Variants in MRPL45 observed in about 807,000 individuals in gnomAD.
MRPL45 encodes large ribosomal subunit protein mL45.
In MRPL45, 20 loss-of-function variants were observed where a neutral mutation model predicts 38.1. That is an observed-to-expected ratio of 0.53 (90% confidence interval 0.37 to 0.76). MRPL45 has a LOEUF of 0.76. Ranked by LOEUF, MRPL45 falls within the 30% of genes least tolerant of loss-of-function variation. The pLI is 0.00. For missense variants in MRPL45, 337 were observed against 395.6 expected (o/e 0.85, Z 1.26); for synonymous variants, 105 against 128.8 (o/e 0.82, Z 1.25).
chr17:38,307,851 A>C (rs2144215514), intron 4 of MRPL45, among the ~76,000 whole-genome samples: 1 of 152,300 alleles, frequency 6.6e-6, no homozygotes, highest in Non-Finnish European at 1.5e-5. Context: ...TTCTTTAAAA[A>C]AAATTTATTT....
chr17:38,302,504 AAG>A lies in MRPL45; in HGVS notation c.362+3037_362+3038del, dbSNP rs1158200928. Among the ~76,000 whole-genome samples, 27 of 92,416 alleles carry A rather than the reference AAG, an allele frequency of 2.9e-4. 2 individuals are homozygous for A. Among genetic ancestry groups the A allele is most frequent in the Middle Eastern group, 4.8e-3 (1 of 208 alleles). 60.6% of individuals were successfully genotyped at this position (92,416 alleles called of 152,430 possible). On this transcript the variant is annotated intron_variant, in intron 3 of 7. Transcript: ENST00000613675. The stretch of plus-strand genomic sequence containing the variant: ...TCCATCTCAAAAAAAAAAAAAAAAA[AAG>A]TTTGTTTTTTTTTTTTTTTTTTAGA...
intron 4 of MRPL45, among the ~76,000 whole-genome samples, chr17:38,317,918 G>A (rs926481120): frequency 3.3e-5 from 5 of 151,532 alleles, no homozygotes; most frequent in Admixed American, 1.3e-4. Context: ...AGCATGACTC[G>A]GCCACTCTGG....
chr17:38,311,215 T>C (rs1231568925), intron 4 of MRPL45, among the ~76,000 whole-genome samples: 1 of 152,178 alleles, frequency 6.6e-6, no homozygotes, highest in African/African-American at 2.4e-5. Flanking sequence ...TCCATTCTAC[T>C]TTATTTCTCT....
At chr17:38,313,276 C>T (rs2037131915) in intron 4 of MRPL45, among the ~76,000 whole-genome samples, 1 of 133,036 alleles carries the variant, frequency 7.5e-6, no homozygotes, top group African/African-American at 2.9e-5. Context: ...AGCTATTGCG[C>T]CTAGCCACTT....
intron 3 of MRPL45, among the ~76,000 whole-genome samples, chr17:38,304,895 G>A (rs1325338190): frequency 6.7e-6 from 1 of 149,562 alleles, no homozygotes; most frequent in Non-Finnish European, 1.5e-5. Flanking sequence ...CACCCAGGCT[G>A]GAGTGCAGTG....
At chr17:38,298,157 G>C (rs1176232983) in intron 1 of MRPL45, among the ~76,000 whole-genome samples, 1 of 152,180 alleles carries the variant, frequency 6.6e-6, no homozygotes. Context: ...ATCAGTTTTT[G>C]AAACTTGCTT....
rs1004857648 is a variant in MRPL45 at position 38,322,341 on chromosome 17, CGTG to C, written c.834+45_834+47del. 4 of 1,550,104 alleles carry C rather than the reference CGTG, an allele frequency of 2.6e-6. No individual in the cohort carries two copies. The African/African-American group carries it at 5.6e-5, about 22-fold the overall frequency. On this transcript the variant is annotated intron_variant, in intron 7 of 7. Transcript: ENST00000613675. ...GGTTTAAGAGAGCTGAGGCACTACT[CGTG>C]GTCTCCTAAGCCACTCTGTCGGGCT...
At chr17:38,310,688 C>G (rs901258194) in intron 4 of MRPL45, among the ~76,000 whole-genome samples, 6 of 152,094 alleles carry the variant, frequency 3.9e-5, no homozygotes, top group Non-Finnish European at 7.4e-5. Flanking sequence ...TACAGTGGCT[C>G]GATCATGGCT....
Position 38,322,607 on chromosome 17 carries a change from A to G in MRPL45, c.*12A>G, listed in dbSNP as rs753669889. The G allele has an allele frequency of 1.9e-6, 3 of 1,606,150 alleles. No individual in the cohort carries two copies. The stretch of plus-strand genomic sequence containing the variant: ...CTCAGCTAGCCTGATGACAAAAATG[A>G]CTTCTAGGGTGAAGCCTGGGTGATG... On this transcript the variant is annotated 3_prime_UTR_variant, in exon 8 of 8. Transcript: ENST00000613675.
At chr17:38,308,433 T>G (rs1381262248) in intron 4 of MRPL45, among the ~76,000 whole-genome samples, 6 of 146,260 alleles carry the variant, frequency 4.1e-5, no homozygotes, top group Non-Finnish European at 6.0e-5. Context: ...AAACATTGTT[T>G]TTTTTTTTGT....
intron 4 of MRPL45, among the ~76,000 whole-genome samples, chr17:38,307,071 C>T (rs867470311): frequency 2.6e-5 from 4 of 152,008 alleles, no homozygotes; most frequent in Non-Finnish European, 5.9e-5. Context: ...CTCGCTCTGT[C>T]GCCCAGGCTG....
intron 4 of MRPL45, among the ~76,000 whole-genome samples, chr17:38,307,979 C>A (rs2037070913): frequency 6.6e-6 from 1 of 151,750 alleles, no homozygotes; most frequent in African/African-American, 2.4e-5. Flanking sequence ...AATCACAGCT[C>A]ATTGCAGCCT....
chr17:38,306,471 G>A (rs1438669297), intron 3 of MRPL45, 62 bp from the exon 4 acceptor site: 2 of 1,433,758 alleles, frequency 1.4e-6, no homozygotes, highest in Non-Finnish European at 1.9e-6. Context: ...GGAGGTCAGT[G>A]TAGGCTGTGA....
At chr17:38,322,075 C>T (rs1384655272) in intron 6 of MRPL45, 51 bp from the exon 7 acceptor site, 10 of 1,557,990 alleles carry the variant, frequency 6.4e-6, no homozygotes, top group Non-Finnish European at 8.8e-6. Context: ...AAACAACTCA[C>T]ACTCACACAC....
intron 3 of MRPL45, among the ~76,000 whole-genome samples, chr17:38,300,982 TA>T (rs1306791401): frequency 6.6e-6 from 1 of 152,168 alleles, no homozygotes; most frequent in East Asian, 1.9e-4. Flanking sequence ...TTTATCATAT[TA>T]CCTCCCTGCT....
chr17:38,307,338 C>CT (rs74774617), intron 4 of MRPL45, among the ~76,000 whole-genome samples: 65 of 145,110 alleles, frequency 4.5e-4, no homozygotes, highest in East Asian at 6.0e-4. Flanking sequence ...GCCCGGCCCC[C>CT]TTTTTTTTTT....
chr17:38,303,290 ATTTTTTT>A (rs776250748), intron 3 of MRPL45, among the ~76,000 whole-genome samples: 3 of 103,432 alleles, frequency 2.9e-5, no homozygotes, highest in South Asian at 2.8e-4. Flanking sequence ...AAAACATTAA[ATTTTTTT>A]TTTTTTTTTT....
intron 1 of MRPL45, 139 bp downstream of exon 1, chr17:38,297,388 C>T (rs1442774080): frequency 4.2e-5 from 33 of 778,038 alleles, no homozygotes; most frequent in Non-Finnish European, 6.7e-5. Flanking sequence ...CTTAGGTGGA[C>T]AGGACCTAGC....
intron 3 of MRPL45, among the ~76,000 whole-genome samples, chr17:38,304,716 G>A (rs1420417644): frequency 6.6e-6 from 1 of 151,666 alleles, no homozygotes; most frequent in Non-Finnish European, 1.5e-5. Context: ...GCTAATTTTT[G>A]TATTTTTAGT....
Sources: gnomAD v4.1 joint callset for allele counts (sites outside exome capture counted in the v4.1 genomes callset) on GRCh38, gnomAD v4.1.1 for gene constraint, MANE v1.5 for transcripts, NCBI Gene and HGNC (gene_info 2026-07-23, HGNC 2026-07-21) for gene names.